Variants in NEB observed in about 807,000 individuals in gnomAD.
The protein encoded by NEB is nebulin, also known as nemaline myopathy type 2.
A neutral mutation model predicts 952.2 loss-of-function variants in NEB; 512 were observed. The ratio of observed to expected loss-of-function variants is 0.54; its 90% confidence interval spans 0.50 to 0.58. The LOEUF (loss-of-function observed/expected upper bound fraction) is 0.58. Ranked by LOEUF, NEB falls within the 20% of genes least tolerant of loss-of-function variation. The pLI is 0.00. For synonymous variants in NEB, 2,900 were observed against 3,149.8 expected, an observed-to-expected ratio of 0.92 and a Z score of 2.66; for missense variants, 8,428 against 9,231.1, an observed-to-expected ratio of 0.91 and a Z score of 3.56.
Position 151,724,286 on chromosome 2 carries a change from C to T in NEB, c.586G>A (p.Val196Ile), listed in dbSNP as rs201433028. 7.3e-5 allele frequency: 117 copies of T among 1,612,998 alleles called. No individual in the cohort carries two copies. The highest frequency in any genetic ancestry group is 5.8e-4 in the East Asian group (26 of 44,854). The change falls in exon 8 of 182, where the codon GTT becomes ATT. Residue 196 changes from valine to isoleucine, a missense_variant. By Grantham distance (29) the Val-to-Ile change is conservative. This residue lies in a region of NEB where 2,851 missense variants were observed against 2,791.5 expected (regional missense o/e 1.02). Transcript: ENST00000397345. ...TTGCTGAACATGGCGGTGTTCTTAA[C>T]GGCCTGGACAAGTTCAGGGGCATCA... is the stretch of plus-strand genomic sequence containing the variant. ...PPDAPELVQAVKNTAMFSKKL... is the reference protein window; with the variant it reads ...PPDAPELVQAIKNTAMFSKKL...
chr2:151,509,229 A>C (rs1235362174), intron 161 of NEB, among the ~76,000 whole-genome samples: 1 of 152,222 alleles, frequency 6.6e-6, no homozygotes, highest in African/African-American at 2.4e-5. Context: ...AAGCGAATTA[A>C]AGCCAGATTT....
At chr2:151,511,117 T>G (rs1318389849) in intron 161 of NEB, among the ~76,000 whole-genome samples, 2 of 152,166 alleles carry the variant, frequency 1.3e-5, no homozygotes, top group African/African-American at 4.8e-5. Flanking sequence ...TGCTGAAGCT[T>G]TCGTTAAAGA....
Position 151,613,542 on chromosome 2 carries a change from C to A in NEB, c.11601+734G>T, listed in dbSNP as rs117179677. ...ATATTACAGCAGTATTGACACTACA[C>A]CTGACTTTGTCAGCTATAGAAATCT... is the stretch of plus-strand genomic sequence containing the variant. On this transcript the variant is annotated intron_variant, in intron 77 of 181. Transcript: ENST00000397345. Among the ~76,000 whole-genome samples, 396 of 152,268 alleles carry A rather than the reference C, an allele frequency of 2.6e-3. 10 individuals carry two copies. In the East Asian group the frequency reaches 0.054, roughly 21 times the overall value.
intron 167 of NEB, 31 bp from the exon 168 acceptor site, chr2:151,501,514 C>G: frequency 7.9e-7 from 1 of 1,269,168 alleles, no homozygotes. Flanking sequence ...AACAAATCAA[C>G]CTGGACCCAT....
chr2:151,578,172 A>G (rs965440397), intron 105 of NEB, among the ~76,000 whole-genome samples: 1 of 152,218 alleles, frequency 6.6e-6, no homozygotes, highest in Non-Finnish European at 1.5e-5. Context: ...CAGGAAATAA[A>G]TAACCTTCTG....
chr2:151,499,354 T>C lies in NEB; in HGVS notation c.24058A>G (p.Ile8020Val), dbSNP rs144634228. 5.1e-5 allele frequency: 79 copies of C among 1,547,102 alleles called. No homozygotes were observed. In the Admixed American group the frequency reaches 1.5e-3, roughly 30 times the overall value. Residue 8020 changes from isoleucine (I) to valine (V), a missense_variant, in exon 169 of 182, where the codon ATC (isoleucine) becomes GTC (valine). By Grantham distance (29) the Ile-to-Val change is conservative. This residue lies in a region of NEB where 3,374 missense variants were observed against 3,651.5 expected (regional missense o/e 0.92). Coordinates refer to ENST00000397345, the MANE Select transcript of NEB (RefSeq NM_001164508.2). ...CTCTCCATCTCTGGAGTGATGGGGATTGGAATCCCTTTTCCAACGTTTTCT... is the reference window on the plus strand; with the variant it reads ...CTCTCCATCTCTGGAGTGATGGGGACTGGAATCCCTTTTCCAACGTTTTCT... Reference protein sequence around the residue: ...YKENVGKGIPIPITPEMERVK... With the variant: ...YKENVGKGIPVPITPEMERVK...
chr2:151,677,803 C>G (rs1292741196), intron 33 of NEB, 32 bp from the exon 34 acceptor site: 5 of 1,612,606 alleles, frequency 3.1e-6, no homozygotes, highest in Non-Finnish European at 4.2e-6. Context: ...GAGTGAGGGC[C>G]TAGGACAGGG....
At chr2:151,578,307 T>C (rs4616478) in intron 105 of NEB, among the ~76,000 whole-genome samples, 5,685 of 128,768 alleles carry the variant, frequency 0.044, 574 homozygotes, top group Middle Eastern at 0.08. Flanking sequence ...TGGTCTGGAG[T>C]GTGCTGCTAA....
At chr2:151,577,105 A>T (rs1477212924) in intron 105 of NEB, among the ~76,000 whole-genome samples, 3 of 152,322 alleles carry the variant, frequency 2.0e-5, no homozygotes, top group East Asian at 3.9e-4. Flanking sequence ...CTTTCTAGTA[A>T]GTTCTCTACA....
rs1299285923 is a variant in NEB, at chr2:151,619,479, G to C, written c.10844C>G (p.Ala3615Gly). ...ACTCTGGAGGTCATAGGCTTTCCGT[G>C]CATGAATGATGTCATTCTGGTCGGG... Reference protein sequence around the residue: ...CLPDQNDIIHARKAYDLQSDN... With the variant: ...CLPDQNDIIHGRKAYDLQSDN... The change falls in exon 73 of 182, where the codon GCA becomes GGA. Residue 3615 changes from alanine (A) to glycine (G), a missense_variant. By Grantham distance (60) the Ala-to-Gly change is moderately conservative (BLOSUM62 0). Transcript: ENST00000397345. 39 of 1,610,870 alleles carry C rather than the reference G, an allele frequency of 2.4e-5. No homozygotes were observed. Among genetic ancestry groups the C allele is most frequent in the Non-Finnish European group, 3.0e-5 (35 of 1,177,548 alleles).
chr2:151,570,655 C>T (rs1010247609), intron 107 of NEB, 54 bp from the exon 108 acceptor site: 1 of 1,487,350 alleles, frequency 6.7e-7, no homozygotes, highest in East Asian at 2.5e-5. Flanking sequence ...CCAATACCTT[C>T]AATGGCTCAG....
At chr2:151,524,436 A>G (rs759375459) in intron 152 of NEB, 21 bp from the exon 153 acceptor site, 3 of 1,613,350 alleles carry the variant, frequency 1.9e-6, no homozygotes, top group Non-Finnish European at 2.5e-6. Flanking sequence ...GAAAACCAAA[A>G]TGGGCAACAG....
At chr2:151,702,722 A>G (rs1316420380) in intron 13 of NEB, among the ~76,000 whole-genome samples, 3 of 152,032 alleles carry the variant, frequency 2.0e-5, no homozygotes, top group Non-Finnish European at 4.4e-5. Flanking sequence ...TTTGCTTGGT[A>G]GATCTTCCAC....
chr2:151,487,146 T>G (rs898148549), intron 181 of NEB, among the ~76,000 whole-genome samples: 3 of 152,192 alleles, frequency 2.0e-5, no homozygotes, highest in Non-Finnish European at 4.4e-5. Flanking sequence ...AAGAGGTCAG[T>G]CTTGTATTTT....
At chr2:151,669,356 T>C (rs565114531) in intron 38 of NEB, among the ~76,000 whole-genome samples, 1 of 152,104 alleles carries the variant, frequency 6.6e-6, no homozygotes, top group Non-Finnish European at 1.5e-5. Flanking sequence ...AAGTTCTGTG[T>C]TTAAAGAGGT....
Position 151,658,012 on chromosome 2 carries a change from C to A in NEB, c.6154G>T (p.Ala2052Ser). ...CTTGCAATATCTCTGGAAGCCTTGG[C>A]AGCTTTGATAGGAATTGCATCAGGT... ...LRPDAIPIKA[A>S]KASRDIASDY... The change falls in exon 48 of 182, where the codon GCC (alanine) becomes TCC (serine). Residue 2052 changes from alanine to serine, a missense_variant. Transcript: ENST00000397345. The A allele has an allele frequency of 6.2e-7, 1 of 1,610,216 alleles. No individual in the cohort carries two copies. Among genetic ancestry groups the A allele is most frequent in the South Asian group, 1.1e-5 (1 of 90,466 alleles).
Position 151,620,345 on chromosome 2 carries a change from GTGTATATATATATATA to G in NEB, c.10560+558_10560+573del, listed in dbSNP as rs1419986184. 5.5e-4 allele frequency among the ~76,000 whole-genome samples: 48 copies of G among 87,898 alleles called. 1 individual carries two copies. The highest frequency in any genetic ancestry group is 2.6e-3 in the South Asian group (6 of 2,292). The allele number at this position is 87,898 out of a possible 152,430, so 57.7% of individuals were successfully genotyped here. On this transcript the variant is annotated intron_variant, in intron 72 of 181. Coordinates refer to ENST00000397345, the MANE Select transcript of NEB (RefSeq NM_001164508.2). ...TTTTATTATATATATATGTATGTGT[GTGTATATATATATATA>G]TATATATATATATATATATATATAT...
At chr2:151,523,501 A>T (rs1042497497) in intron 153 of NEB, among the ~76,000 whole-genome samples, 1 of 152,234 alleles carries the variant, frequency 6.6e-6, no homozygotes, top group African/African-American at 2.4e-5. Context: ...AGAAGGTAGG[A>T]TCTGTAAATT....
chr2:151,640,195 T>C lies in NEB; in HGVS notation c.8686-135A>G, dbSNP rs577815440. 104 of 1,459,112 alleles carry C rather than the reference T, an allele frequency of 7.1e-5. No homozygotes were observed. The South Asian group carries it at 1.3e-3, about 18-fold the overall frequency. 90.4% of individuals were successfully genotyped at this position (1,459,112 alleles called of 1,614,324 possible). On this transcript the variant is annotated intron_variant, in intron 61 of 181. Coordinates refer to ENST00000397345, the MANE Select transcript of NEB (RefSeq NM_001164508.2). The stretch of plus-strand genomic sequence containing the variant: ...GGCCAGGTATCACACAATATTCCTC[T>C]TTGGTCTGAAGGGTTAAAGGATTAA...
Sources: gnomAD v4.1 joint callset for allele counts (sites outside exome capture counted in the v4.1 genomes callset) on GRCh38, gnomAD v4.1.1 for gene constraint, gnomAD v4.1.1 regional missense constraint, MANE v1.5 for transcripts, NCBI Gene and HGNC (gene_info 2026-07-23, HGNC 2026-07-21) for gene names.